Variants in HDAC1 observed in about 807,000 individuals in gnomAD.
HDAC1 encodes histone deacetylase 1, also known as protein deacetylase HDAC1.
In HDAC1, 18 loss-of-function variants were observed where a neutral mutation model predicts 65.5. The observed-to-expected ratio is 0.27, with a 90% confidence interval of 0.19 to 0.41. HDAC1 has a LOEUF of 0.41. Ranked by LOEUF, HDAC1 falls within the 10% of genes least tolerant of loss-of-function variation. HDAC1 has a pLI of 1.00. For missense variants in HDAC1, 373 were observed against 625.2 expected (o/e 0.60, Z 4.30); for synonymous variants, 211 against 227.9 (o/e 0.93, Z 0.67).
chr1:32,329,199 G>C lies in HDAC1; in HGVS notation c.729+39G>C. On this transcript the variant is annotated intron_variant, in intron 7 of 13. Coordinates refer to ENST00000373548, the MANE Select transcript of HDAC1 (RefSeq NM_004964.3). This position sits in a 1 kb window ranked among gnomAD's most constrained non-coding sequence, Gnocchi z 4.1. Reference sequence around the variant, plus strand: ...TCCACCCCTTGGGCTACAAACAGGGGATTGGTTGGCGGTGGAGGGGAGCAA... The same window carrying C: ...TCCACCCCTTGGGCTACAAACAGGGCATTGGTTGGCGGTGGAGGGGAGCAA... 1 of 1,284,106 alleles carries C rather than the reference G, an allele frequency of 7.8e-7. No homozygotes were observed. Among genetic ancestry groups the C allele is most frequent in the Non-Finnish European group, 1.1e-6 (1 of 878,640 alleles). The allele number at this position is 1,284,106 out of a possible 1,614,324, so 79.5% of individuals were successfully genotyped here. A position where few individuals can be genotyped will look rare whatever the true frequency, so the allele number is the denominator to read the frequency against.
Position 32,330,439 on chromosome 1 carries a change from C to T in HDAC1, c.730-139C>T. On this transcript the variant is annotated intron_variant, in intron 7 of 13. Coordinates refer to ENST00000373548, the MANE Select transcript of HDAC1 (RefSeq NM_004964.3). The surrounding 1 kb of genome is among the most constrained non-coding windows in gnomAD (Gnocchi z 4.2). ...TGGGCAAGCAAGGGCTCCAGCCTAG[C>T]ACTCCCTTTTCTCTCCCACATAGCA... The T allele has an allele frequency of 1.4e-6, 1 of 698,044 alleles. No homozygotes were observed. Among genetic ancestry groups the T allele is most frequent in the Non-Finnish European group, 2.6e-6 (1 of 389,074 alleles). The allele number at this position is 698,044 out of a possible 1,614,324, so 43.2% of individuals were successfully genotyped here. A position where few individuals can be genotyped will look rare whatever the true frequency, so the allele number is the denominator to read the frequency against.
intron 2 of HDAC1, among the ~76,000 whole-genome samples, chr1:32,309,387 T>C (rs981008528): frequency 1.3e-5 from 2 of 152,096 alleles, no homozygotes; most frequent in East Asian, 1.9e-4. Flanking sequence ...CTCTCTCTCT[T>C]TTTTAAGAGA....
At chr1:32,308,284 A>C (rs1248516550) in intron 2 of HDAC1, among the ~76,000 whole-genome samples, 1 of 152,160 alleles carries the variant, frequency 6.6e-6, no homozygotes, top group Non-Finnish European at 1.5e-5. Flanking sequence ...GTGCCATTGC[A>C]CTCCAGCCTG....
At chr1:32,325,348 T>A (rs1480968741) in intron 4 of HDAC1, among the ~76,000 whole-genome samples, 1 of 152,122 alleles carries the variant, frequency 6.6e-6, no homozygotes, top group African/African-American at 2.4e-5. Context: ...ACCAATATAA[T>A]CATTGTGTCC....
At position 32,327,728 on chromosome 1, in the gene HDAC1, A is replaced by G; in HGVS notation, c.636+51A>G. 1 of 1,570,762 alleles carries G rather than the reference A, an allele frequency of 6.4e-7. No individual in the cohort carries two copies. The highest frequency in any genetic ancestry group is 8.8e-7 in the Non-Finnish European group (1 of 1,141,228). On this transcript the variant is annotated intron_variant, in intron 6 of 13. Coordinates refer to ENST00000373548, the MANE Select transcript of HDAC1 (RefSeq NM_004964.3). This position sits in a 1 kb window ranked among gnomAD's most constrained non-coding sequence, Gnocchi z 6.0. The stretch of plus-strand genomic sequence containing the variant: ...CGGCTTACCCTCAGCTGGCAGCTCT[A>G]CTTCTCTCTCCTATCTCATGCCACT...
chr1:32,304,546 G>T (rs1184997350), intron 2 of HDAC1, among the ~76,000 whole-genome samples: 1 of 151,882 alleles, frequency 6.6e-6, no homozygotes, highest in Admixed American at 6.6e-5. Flanking sequence ...CTACAGGCAG[G>T]CACCACCATG....
chr1:32,305,399 T>C (rs1159768350), intron 2 of HDAC1, among the ~76,000 whole-genome samples: 3 of 152,266 alleles, frequency 2.0e-5, no homozygotes, highest in African/African-American at 4.8e-5. Context: ...TATTCACCTG[T>C]GTTAGATAAA....
intron 3 of HDAC1, among the ~76,000 whole-genome samples, chr1:32,321,271 T>G (rs138691090): frequency 1.3e-5 from 2 of 151,822 alleles, no homozygotes; most frequent in Non-Finnish European, 2.9e-5. Flanking sequence ...TGAACATCCA[T>G]GTGTGCCCAA....
chr1:32,297,066 G>A (rs1054543383), intron 1 of HDAC1, among the ~76,000 whole-genome samples: 6 of 152,220 alleles, frequency 3.9e-5, no homozygotes, highest in South Asian at 2.1e-4. Context: ...TGGTGGAGCA[G>A]GAATCTTGAA....
Position 32,292,167 on chromosome 1 carries a change from A to G in HDAC1, c.-3A>G. ...CTGACGGTAGGGACGGGAGGCGAGCAAGATGGCGCAGACGCAGGGCACCCG... is the reference window on the plus strand; with the variant it reads ...CTGACGGTAGGGACGGGAGGCGAGCGAGATGGCGCAGACGCAGGGCACCCG... On this transcript the variant is annotated 5_prime_UTR_variant, in exon 1 of 14. Coordinates refer to ENST00000373548, the MANE Select transcript of HDAC1 (RefSeq NM_004964.3). 1 of 1,548,274 alleles carries G rather than the reference A, an allele frequency of 6.5e-7. No homozygotes were observed. Among genetic ancestry groups the G allele is most frequent in the African/African-American group, 1.4e-5 (1 of 73,024 alleles).
At chr1:32,304,012 G>C (rs1331171820) in intron 2 of HDAC1, among the ~76,000 whole-genome samples, 1 of 152,212 alleles carries the variant, frequency 6.6e-6, no homozygotes, top group East Asian at 1.9e-4. Flanking sequence ...CAAGTGAAGG[G>C]TTTTAAATGA....
chr1:32,318,517 T>C (rs922229628), intron 3 of HDAC1, among the ~76,000 whole-genome samples: 12 of 151,568 alleles, frequency 7.9e-5, no homozygotes, highest in African/African-American at 2.7e-4. Context: ...GAGCCATGAT[T>C]GTACTACTGC....
At chr1:32,294,300 C>T (rs1051731835) in intron 1 of HDAC1, among the ~76,000 whole-genome samples, 2 of 151,766 alleles carry the variant, frequency 1.3e-5, no homozygotes, top group African/African-American at 4.8e-5. Flanking sequence ...AGGCGTGCGC[C>T]ACCATGCCTG....
rs778986200 is a variant in HDAC1 at position 32,330,532 on chromosome 1, G to T, written c.730-46G>T. 9 of 1,335,414 alleles carry T rather than the reference G, an allele frequency of 6.7e-6. No individual in the cohort carries two copies. The highest frequency in any genetic ancestry group is 1.7e-5 in the Admixed American group (1 of 59,602). 82.7% of individuals were successfully genotyped at this position (1,335,414 alleles called of 1,614,324 possible). ...ACCCAGCCTTTCCACTCCAAACCTC[G>T]TATTGCTTTCTTGAGGTTGGTGGTG... On this transcript the variant is annotated intron_variant, in intron 7 of 13. Coordinates refer to ENST00000373548, the MANE Select transcript of HDAC1 (RefSeq NM_004964.3). The surrounding 1 kb of genome is among the most constrained non-coding windows in gnomAD (Gnocchi z 4.2).
At chr1:32,296,585 C>T (rs1275043269) in intron 1 of HDAC1, among the ~76,000 whole-genome samples, 1 of 152,082 alleles carries the variant, frequency 6.6e-6, no homozygotes, top group Non-Finnish European at 1.5e-5. Flanking sequence ...CGCCATGTTG[C>T]CCAGGCTGGT....
intron 1 of HDAC1, among the ~76,000 whole-genome samples, chr1:32,297,653 C>G (rs1362045405): frequency 6.6e-6 from 1 of 152,122 alleles, no homozygotes; most frequent in Non-Finnish European, 1.5e-5. Context: ...CTCTGTCGCC[C>G]AGGCTGGAGT....
intron 13 of HDAC1, 129 bp from the exon 14 acceptor site, chr1:32,332,888 C>T (rs1641316288): frequency 1.7e-6 from 2 of 1,164,766 alleles, no homozygotes; most frequent in African/African-American, 1.5e-5. Context: ...TCCAGCTCTG[C>T]AGTTCTAGGC....
At chr1:32,324,377 C>A (rs1193217000) in intron 3 of HDAC1, 102 bp from the exon 4 acceptor site, 2 of 795,810 alleles carry the variant, frequency 2.5e-6, no homozygotes, top group Non-Finnish European at 4.5e-6. Flanking sequence ...GGACTAGAAC[C>A]CACACCTCCT....
chr1:32,304,343 T>C (rs1390523739), intron 2 of HDAC1, among the ~76,000 whole-genome samples: 2 of 152,002 alleles, frequency 1.3e-5, no homozygotes, highest in African/African-American at 2.4e-5. Context: ...CTTTTTTAGG[T>C]GTGAAGGCAG....
Sources: allele counts gnomAD v4.1 joint callset (sites outside exome capture counted in the v4.1 genomes callset), GRCh38; gene constraint gnomAD v4.1.1; non-coding constraint Gnocchi (gnomAD v3.1); transcripts MANE v1.5; gene names NCBI Gene and HGNC (gene_info 2026-07-23, HGNC 2026-07-21).